The following UNC79 variants were observed in gnomAD, a reference collection of about 807,000 sequenced individuals.
UNC79 encodes protein unc-79 homolog.
In UNC79, 37 loss-of-function variants were observed where a neutral mutation model predicts 283.1. That is an observed-to-expected ratio of 0.13 (90% CI 0.10 to 0.17). The LOEUF is 0.17. Among genes scored for constraint, UNC79 ranks in the 10% least tolerant of loss-of-function variants. The pLI is 1.00. For missense variants in UNC79, 2,272 were observed against 3,211.1 expected (o/e 0.71, Z 7.07); for synonymous variants, 1,107 against 1,200.2 (o/e 0.92, Z 1.61).
chr14:93,613,356 A>G (rs1596073029), intron 27 of UNC79, among the ~76,000 whole-genome samples: 1 of 151,804 alleles, frequency 6.6e-6, no homozygotes, highest in East Asian at 1.9e-4. Flanking sequence ...CTAACCTTGT[A>G]GCATATGAAG....
chr14:93,522,943 A>G (rs2060389229), intron 7 of UNC79, among the ~76,000 whole-genome samples: 1 of 152,166 alleles, frequency 6.6e-6, no homozygotes, highest in Admixed American at 6.5e-5. Flanking sequence ...TGTTTGGAAC[A>G]TAAATTAGCT....
chr14:93,626,850 C>A (rs974445928), intron 30 of UNC79, among the ~76,000 whole-genome samples: 1 of 152,094 alleles, frequency 6.6e-6, no homozygotes, highest in African/African-American at 2.4e-5. Flanking sequence ...AGAGACAACT[C>A]TATACTATCT....
chr14:93,346,799 C>T (rs1386634631), intron 1 of UNC79, among the ~76,000 whole-genome samples: 1 of 151,886 alleles, frequency 6.6e-6, no homozygotes, highest in African/African-American at 2.4e-5. Context: ...AAAAGAGATA[C>T]TTAGTGTGAG....
At position 93,495,065 on chromosome 14, in the gene UNC79, C is replaced by G. The variant is rs549909159; in HGVS notation, c.713-1346C>G. Among the ~76,000 whole-genome samples the G allele has an allele frequency of 1.8e-4, 27 of 152,314 alleles. No homozygotes were observed. In the South Asian group the frequency reaches 2.9e-3, roughly 16 times the overall value. On this transcript the variant is annotated intron_variant, in intron 5 of 48. Transcript: ENST00000555664. ...TCAGAAGCTCCCCAGCAGATTTTCT[C>G]TTCATTCTTACTGTCCAGAACTGAG...
rs75115159 is a variant in UNC79 at position 93,532,613 on chromosome 14, T to C, written c.1122+35T>C. ...AACCATTTGTGTCGTTGGGGCATGA[T>C]TTATTGTGTTTGTATGTAAATTCAT... On this transcript the variant is annotated intron_variant, in intron 11 of 48. Transcript: ENST00000555664. 4.9e-3 allele frequency: 7,939 copies of C among 1,606,974 alleles called. 354 individuals carry two copies. In the African/African-American group the frequency reaches 0.095, roughly 19 times the overall value.
At chr14:93,401,791 T>C (rs1375222009) in intron 1 of UNC79, among the ~76,000 whole-genome samples, 2 of 152,208 alleles carry the variant, frequency 1.3e-5, no homozygotes, top group Non-Finnish European at 2.9e-5. Flanking sequence ...CATCCTTATC[T>C]GCTAGTATAT....
chr14:93,551,309 A>G, intron 14 of UNC79, among the ~76,000 whole-genome samples: 1 of 152,176 alleles, frequency 6.6e-6, no homozygotes, highest in East Asian at 1.9e-4. Context: ...TCGGCCTCCC[A>G]AAGTGCTGGG....
chr14:93,404,747 C>G (rs1010296547), intron 1 of UNC79, among the ~76,000 whole-genome samples: 2 of 151,234 alleles, frequency 1.3e-5, no homozygotes, highest in Non-Finnish European at 2.9e-5. Context: ...TTCAACTCCT[C>G]TCTTAATGAA....
exon 23 of UNC79, chr14:93,593,747 G>A: frequency 6.2e-7 from 1 of 1,614,014 alleles, no homozygotes; most frequent in Non-Finnish European, 8.5e-7. Flanking sequence ...TCTCCTCCAT[G>A]CCCTGTCACT....
chr14:93,634,821 A>G (rs945821783), intron 31 of UNC79, among the ~76,000 whole-genome samples, 184 bp downstream of exon 34: 1 of 152,194 alleles, frequency 6.6e-6, no homozygotes, highest in African/African-American at 2.4e-5. Flanking sequence ...CTAGAGTGAC[A>G]CGCTCTTCCG....
At position 93,474,341 on chromosome 14, in the gene UNC79, G is replaced by T; in HGVS notation, c.396G>T (p.Val132=). The T allele has an allele frequency of 6.5e-7, 1 of 1,536,004 alleles. No homozygotes were observed. The highest frequency in any genetic ancestry group is 1.2e-5 in the South Asian group (1 of 84,024). ...CTTTGGACTACCAAGGCCTCTACGTGACTTTGGTGACCCTCCTGGATCTAG... is the reference window on the plus strand; with the variant it reads ...CTTTGGACTACCAAGGCCTCTACGTTACTTTGGTGACCCTCCTGGATCTAG... Residue 132 remains valine (V), a synonymous_variant, in exon 3 of 49, where the codon GTG becomes GTT. Coordinates refer to ENST00000555664, the Ensembl canonical transcript of UNC79. This position sits in a 1 kb window ranked among gnomAD's most constrained non-coding sequence, Gnocchi z 4.1.
chr14:93,466,964 C>G (rs2057212647), intron 1 of UNC79: 1 of 955,504 alleles, frequency 1.0e-6, no homozygotes, highest in Admixed American at 6.2e-5. Context: ...TCTGGGCAGC[C>G]AAGCTCAGAA....
intron 20 of UNC79, among the ~76,000 whole-genome samples, chr14:93,584,992 T>A (rs994500731): frequency 6.6e-6 from 1 of 152,150 alleles, no homozygotes; most frequent in Non-Finnish European, 1.5e-5. Context: ...CCACTGCGCC[T>A]GGCCAGCAAT....
At chr14:93,687,082 G>GTCA (rs1328813404) in intron 43 of UNC79, among the ~76,000 whole-genome samples, 1 of 152,108 alleles carries the variant, frequency 6.6e-6, no homozygotes, top group African/African-American at 2.4e-5. Flanking sequence ...TAATTACCTT[G>GTCA]AGCATCAGTT....
At chr14:93,653,847 G>A (rs779988693) in exon 36 of UNC79, 31 of 1,614,092 alleles carry the variant, frequency 1.9e-5, no homozygotes, top group East Asian at 1.1e-4. Flanking sequence ...TCCAAAGCAC[G>A]ATCAAAGGTA....
chr14:93,608,793 A>G (rs1029418441), intron 26 of UNC79, among the ~76,000 whole-genome samples: 3 of 152,184 alleles, frequency 2.0e-5, no homozygotes, highest in African/African-American at 4.8e-5. Flanking sequence ...GACTTTATCA[A>G]TTTTTCTCTT....
chr14:93,347,361 G>C (rs775364292), intron 1 of UNC79: 2 of 1,562,592 alleles, frequency 1.3e-6, no homozygotes, highest in African/African-American at 2.7e-5. Flanking sequence ...TCGCCCACTC[G>C]GGGCCCCCGC....
chr14:93,545,073 A>G (rs1418016550), intron 14 of UNC79, among the ~76,000 whole-genome samples: 1 of 152,138 alleles, frequency 6.6e-6, no homozygotes, highest in Non-Finnish European at 1.5e-5. Context: ...TGGGTAGGAG[A>G]AAAGTTAGAA....
intron 1 of UNC79, among the ~76,000 whole-genome samples, chr14:93,458,232 T>C (rs10498637): frequency 0.038 from 5,855 of 152,308 alleles, 395 homozygotes; most frequent in African/African-American, 0.13. Context: ...TTAGGACATA[T>C]ACTATCAAAT....
Sources: gnomAD v4.1 joint callset for allele counts (sites outside exome capture counted in the v4.1 genomes callset) on GRCh38, gnomAD v4.1.1 for gene constraint, Gnocchi (gnomAD v3.1) non-coding constraint, MANE v1.5 for transcripts, NCBI Gene and HGNC (gene_info 2026-07-23, HGNC 2026-07-21) for gene names.